CNTNAP4: variants seen among roughly 807,000 people sequenced by gnomAD.
The protein encoded by CNTNAP4 is contactin-associated protein-like 4.
Under a neutral mutation model 148.4 loss-of-function variants are expected in CNTNAP4, and 98 were observed. That is an observed-to-expected ratio of 0.66 (90% CI 0.56 to 0.78). The LOEUF (loss-of-function observed/expected upper bound fraction) is 0.78. Among genes scored for constraint, CNTNAP4 ranks in the 30% least tolerant of loss-of-function variants. CNTNAP4 has a pLI of 0.00. For synonymous variants in CNTNAP4, 730 were observed against 565.1 expected, an observed-to-expected ratio of 1.29 and a Z score of -4.14; for missense variants, 1,935 against 1,565.6, an observed-to-expected ratio of 1.24 and a Z score of -3.98.
At chr16:76,455,782 C>A (rs1415634381) in intron 8 of CNTNAP4, among the ~76,000 whole-genome samples, 1 of 152,218 alleles carries the variant, frequency 6.6e-6, no homozygotes, top group Non-Finnish European at 1.5e-5. Flanking sequence ...TGCTGAACTC[C>A]TACCCTATAT....
chr16:76,393,227 C>T (rs1240710932), intron 3 of CNTNAP4, among the ~76,000 whole-genome samples: 3 of 152,142 alleles, frequency 2.0e-5, no homozygotes, highest in Non-Finnish European at 2.9e-5. Context: ...TTACTACCCA[C>T]TGAAAAGCTC....
At chr16:76,464,971 T>A (rs553544212) in intron 9 of CNTNAP4, among the ~76,000 whole-genome samples, 97 of 152,318 alleles carry the variant, frequency 6.4e-4, no homozygotes, top group Admixed American at 1.2e-3. Flanking sequence ...TATGGAATCT[T>A]TTGCAATGCC....
At chr16:76,498,492 G>A in intron 14 of CNTNAP4, 75 bp from the exon 15 acceptor site, 1 of 1,340,488 alleles carries the variant, frequency 7.5e-7, no homozygotes, top group Non-Finnish European at 1.0e-6. Flanking sequence ...ATTTAGTTCA[G>A]AACATCTTGG....
At chr16:76,513,677 C>T (rs759532634) in intron 15 of CNTNAP4, among the ~76,000 whole-genome samples, 1 of 152,118 alleles carries the variant, frequency 6.6e-6, no homozygotes, top group Non-Finnish European at 1.5e-5. Context: ...GATGTGCCTA[C>T]TTAAAAACAG....
chr16:76,464,470 GA>G (rs1219801014), intron 9 of CNTNAP4, among the ~76,000 whole-genome samples: 2 of 152,238 alleles, frequency 1.3e-5, no homozygotes, highest in African/African-American at 4.8e-5. Flanking sequence ...GTTCCCCCTG[GA>G]AAGTTCTATG....
intron 3 of CNTNAP4, among the ~76,000 whole-genome samples, chr16:76,399,081 T>C (rs1430833324): frequency 1.3e-5 from 2 of 152,160 alleles, no homozygotes; most frequent in East Asian, 1.9e-4. Context: ...CCATGTAAGA[T>C]ATGCCTTTGC....
chr16:76,465,590 G>C (rs981208054), intron 9 of CNTNAP4, among the ~76,000 whole-genome samples: 1 of 152,180 alleles, frequency 6.6e-6, no homozygotes, highest in African/African-American at 2.4e-5. Context: ...TATATGCCTG[G>C]CATATTATAG....
At chr16:76,461,877 T>A in intron 8 of CNTNAP4, 79 bp from the exon 9 acceptor site, 2 of 1,163,064 alleles carry the variant, frequency 1.7e-6, no homozygotes, top group Non-Finnish European at 2.5e-6. Context: ...AATTGAGTGA[T>A]GTGTATATTG....
chr16:76,317,409 G>C (rs1033571772), intron 2 of CNTNAP4, among the ~76,000 whole-genome samples: 1 of 151,704 alleles, frequency 6.6e-6, no homozygotes, highest in African/African-American at 2.4e-5. Flanking sequence ...AAATAAGACA[G>C]AATTTCAAAA....
intron 2 of CNTNAP4, among the ~76,000 whole-genome samples, chr16:76,354,577 G>T (rs1218338779): frequency 6.6e-6 from 1 of 152,130 alleles, no homozygotes; most frequent in African/African-American, 2.4e-5. Context: ...AGAGTTTGCA[G>T]TTTCCGTGGT....
chr16:76,479,731 AT>A (rs1181928556), intron 12 of CNTNAP4, among the ~76,000 whole-genome samples, 193 bp downstream of exon 12: 1 of 152,170 alleles, frequency 6.6e-6, no homozygotes, highest in Non-Finnish European at 1.5e-5. Flanking sequence ...TTTTTAATGC[AT>A]GTGGCATCTG....
rs1411965703 is a variant in CNTNAP4 at position 76,506,383 on chromosome 16, ATTTCCTTC to A, written c.2365+7704_2365+7711del. ...CCCTCCCTCCCTTCCTCCCTTCCTC[ATTTCCTTC>A]TTTCCTTCTTTCCTCCCTTCCTCCC... On this transcript the variant is annotated intron_variant, in intron 15 of 23. Transcript: ENST00000611870. 1.3e-4 allele frequency among the ~76,000 whole-genome samples: 7 copies of A among 55,110 alleles called. 2 individuals are homozygous for A. The highest frequency in any genetic ancestry group is 9.3e-4 in the Admixed American group (4 of 4,294). 36.2% of individuals were successfully genotyped at this position (55,110 alleles called of 152,430 possible).
chr16:76,497,875 A>T (rs1441015093), intron 14 of CNTNAP4, among the ~76,000 whole-genome samples: 2 of 152,052 alleles, frequency 1.3e-5, no homozygotes, highest in Admixed American at 6.5e-5. Context: ...CATTTCAAAA[A>T]ATAAAAAAGA....
chr16:76,416,880 C>T (rs1441654508), intron 3 of CNTNAP4, among the ~76,000 whole-genome samples: 1 of 151,336 alleles, frequency 6.6e-6, no homozygotes, highest in Non-Finnish European at 1.5e-5. Flanking sequence ...CCTCATCTAA[C>T]GACTCTGTTG....
intron 3 of CNTNAP4, among the ~76,000 whole-genome samples, chr16:76,381,856 C>A (rs1054936217): frequency 2.0e-5 from 3 of 151,898 alleles, no homozygotes; most frequent in South Asian, 2.1e-4. Flanking sequence ...ATCAGGAGAT[C>A]GAGACCATCC....
At position 76,427,553 on chromosome 16, in the gene CNTNAP4, C is replaced by G; in HGVS notation, c.492C>G (p.Pro164=). 1 of 1,612,944 alleles carries G rather than the reference C, an allele frequency of 6.2e-7. No individual in the cohort carries two copies. The highest frequency in any genetic ancestry group is 2.2e-5 in the East Asian group (1 of 44,848). The change falls in exon 4 of 24, where the codon CCC becomes CCG. Residue 164 remains proline, a synonymous_variant. Transcript: ENST00000611870. ...FLRFIPLEWN[P]KGRIGMRIEV... ...GCTTCATCCCTTTGGAATGGAACCCCAAGGGCAGAATTGGAATGCGAATCG... is the reference window on the plus strand; with the variant it reads ...GCTTCATCCCTTTGGAATGGAACCCGAAGGGCAGAATTGGAATGCGAATCG...
chr16:76,404,083 A>G (rs2078514555), intron 3 of CNTNAP4, among the ~76,000 whole-genome samples: 1 of 152,186 alleles, frequency 6.6e-6, no homozygotes, highest in Non-Finnish European at 1.5e-5. Flanking sequence ...CAGAAAAATT[A>G]ACTATTGGGT....
intron 3 of CNTNAP4, among the ~76,000 whole-genome samples, chr16:76,358,672 G>C (rs1597309940): frequency 6.6e-6 from 1 of 152,146 alleles, no homozygotes; most frequent in African/African-American, 2.4e-5. Flanking sequence ...GGACTATCAA[G>C]TTTTGGAAAG....
intron 17 of CNTNAP4, 23 bp downstream of exon 17, chr16:76,522,280 C>G (rs1395422406): frequency 3.1e-6 from 5 of 1,596,444 alleles, no homozygotes; most frequent in Admixed American, 1.7e-5. Flanking sequence ...TTTAAGCAAT[C>G]ATTTTATTGT....
Sources: allele counts gnomAD v4.1 joint callset (sites outside exome capture counted in the v4.1 genomes callset), GRCh38; gene constraint gnomAD v4.1.1; transcripts MANE v1.5; gene names NCBI Gene and HGNC (gene_info 2026-07-23, HGNC 2026-07-21).